The following ZEB1 variants were observed in gnomAD, a reference collection of about 807,000 sequenced individuals.
ZEB1 encodes zinc finger E-box binding homeobox 1, also known as zinc finger E-box-binding homeobox 1.
ZEB1 carries 21 observed loss-of-function variants against 84.9 expected under a neutral mutation model. The observed-to-expected ratio is 0.25, with a 90% CI of 0.18 to 0.36. The LOEUF is 0.36. Among genes scored for constraint, ZEB1 ranks in the 10% least tolerant of loss-of-function variants. ZEB1 has a pLI of 1.00. For missense variants in ZEB1, 1,104 were observed against 1,330.2 expected (o/e 0.83, Z 2.65); for synonymous variants, 420 against 471.1 (o/e 0.89, Z 1.41).
intron 1 of ZEB1, among the ~76,000 whole-genome samples, chr10:31,446,093 A>G (rs369756603): frequency 2.7e-5 from 4 of 149,312 alleles, no homozygotes; most frequent in African/African-American, 9.9e-5. Flanking sequence ...ACAATTTCAG[A>G]TCCTGTTATT....
chr10:31,485,109 T>G (rs1258890607), intron 2 of ZEB1, among the ~76,000 whole-genome samples: 1 of 151,948 alleles, frequency 6.6e-6, no homozygotes, highest in Admixed American at 6.6e-5. Context: ...GTCAATCCAT[T>G]TATACCCTGC....
intron 1 of ZEB1, among the ~76,000 whole-genome samples, chr10:31,418,016 G>A (rs533251987): frequency 2.0e-5 from 3 of 152,044 alleles, no homozygotes; most frequent in Non-Finnish European, 4.4e-5. Flanking sequence ...AACTTTTTTA[G>A]TAGAAGCAGC....
intron 1 of ZEB1, among the ~76,000 whole-genome samples, chr10:31,415,096 C>G (rs901877253): frequency 2.6e-5 from 4 of 152,124 alleles, no homozygotes; most frequent in African/African-American, 7.2e-5. Context: ...CATCTTCTTA[C>G]GTTACAAAGA....
chr10:31,327,566 A>G (rs939663229), intron 1 of ZEB1, among the ~76,000 whole-genome samples: 1 of 152,166 alleles, frequency 6.6e-6, no homozygotes, highest in African/African-American at 2.4e-5. Context: ...GATTGACTCC[A>G]ATTCTTAGAT....
chr10:31,343,916 C>G (rs2039836848), intron 1 of ZEB1, among the ~76,000 whole-genome samples: 1 of 152,076 alleles, frequency 6.6e-6, no homozygotes. Flanking sequence ...GAGGAGGAGA[C>G]TAAAGCTTGG....
At chr10:31,371,010 T>C (rs2134430251) in intron 1 of ZEB1, among the ~76,000 whole-genome samples, 1 of 152,298 alleles carries the variant, frequency 6.6e-6, no homozygotes, top group South Asian at 2.1e-4. Flanking sequence ...TGAGCCTCCA[T>C]GCCTGGCCAA....
intron 1 of ZEB1, among the ~76,000 whole-genome samples, chr10:31,423,933 T>C (rs868041369): frequency 6.6e-6 from 1 of 152,056 alleles, no homozygotes; most frequent in Non-Finnish European, 1.5e-5. Flanking sequence ...AAGGATAGTT[T>C]ATATGTTTCT....
intron 1 of ZEB1, among the ~76,000 whole-genome samples, chr10:31,408,216 T>G (rs1016794831): frequency 8.0e-5 from 12 of 150,746 alleles, no homozygotes; most frequent in Admixed American, 7.2e-4. Flanking sequence ...CAAGGAGAAC[T>G]ACAAACCACT....
chr10:31,476,050 T>C (rs1214425789), intron 2 of ZEB1, among the ~76,000 whole-genome samples: 1 of 151,696 alleles, frequency 6.6e-6, no homozygotes, highest in East Asian at 1.9e-4. Context: ...ACCCACCTAA[T>C]GGCAAAAGAC....
chr10:31,382,058 C>T (rs1469671894), intron 1 of ZEB1, among the ~76,000 whole-genome samples: 1 of 150,192 alleles, frequency 6.7e-6, no homozygotes, highest in Non-Finnish European at 1.5e-5. Flanking sequence ...CCTTGAAGCC[C>T]GACTTCATGG....
intron 1 of ZEB1, among the ~76,000 whole-genome samples, chr10:31,411,005 T>C (rs2054138189): frequency 6.6e-6 from 1 of 152,222 alleles, no homozygotes; most frequent in African/African-American, 2.4e-5. Flanking sequence ...TCAGTTGTGC[T>C]CTGATCTTAG....
intron 1 of ZEB1, among the ~76,000 whole-genome samples, chr10:31,418,334 T>G (rs1223070404): frequency 6.6e-6 from 1 of 151,128 alleles, no homozygotes; most frequent in Non-Finnish European, 1.5e-5. Context: ...CCAAGGGGAG[T>G]TGGAAGAAGT....
rs572239709 is a variant in ZEB1 at position 31,476,115 on chromosome 10, G to A, written c.259+14878G>A. 2.0e-5 allele frequency among the ~76,000 whole-genome samples: 3 copies of A among 151,718 alleles called. No individual in the cohort carries two copies. In the East Asian group the frequency reaches 5.8e-4, roughly 29 times the overall value. On this transcript the variant is annotated intron_variant, in intron 2 of 8. Coordinates refer to ENST00000424869, the MANE Select transcript of ZEB1 (RefSeq NM_001174096.2). ...AGAAGAAGAGAAATAACAAAGAGCA[G>A]AACCAAATGAGATTGAGACCAAAAA...
At chr10:31,319,493 C>T (rs527819684) in intron 1 of ZEB1, 15 of 611,856 alleles carry the variant, frequency 2.5e-5, no homozygotes, top group East Asian at 1.1e-4. Flanking sequence ...GCTCGCTCTC[C>T]CTGAACCGTT....
intron 1 of ZEB1, among the ~76,000 whole-genome samples, chr10:31,353,175 A>G (rs1390848785): frequency 6.6e-6 from 1 of 152,240 alleles, no homozygotes; most frequent in East Asian, 1.9e-4. Context: ...GGAAGTACAC[A>G]GCGTAGTGCT....
chr10:31,474,761 C>T (rs1192878617), intron 2 of ZEB1, among the ~76,000 whole-genome samples: 2 of 151,974 alleles, frequency 1.3e-5, no homozygotes, highest in Admixed American at 1.3e-4. Context: ...CACATGCACA[C>T]GTATGTTTAT....
In ZEB1 at chr10:31,521,118, C is replaced by T. The variant is rs1457462399; in HGVS notation, c.1786C>T (p.Leu596Phe). ...GCCACCTTTAAAGAACCTCTTGTCT[C>T]TCCTAAAAGCATATTATGCTTTGAA... ...SQPPLKNLLS[L>F]LKAYYALNAQ... The change falls in exon 7 of 9, where the codon CTC becomes TTC. Residue 596 changes from leucine (L) to phenylalanine (F), a missense_variant. Physicochemically the swap from Leu to Phe is conservative, Grantham distance 22. Coordinates refer to ENST00000424869, the MANE Select transcript of ZEB1 (RefSeq NM_001174096.2). The T allele has an allele frequency of 6.2e-7, 1 of 1,614,060 alleles. No individual in the cohort carries two copies. Among genetic ancestry groups the T allele is most frequent in the Admixed American group, 1.7e-5 (1 of 60,006 alleles).
Position 31,514,645 on chromosome 10 carries a change from A to G in ZEB1, c.730A>G (p.Thr244Ala). The G allele has an allele frequency of 6.2e-7, 1 of 1,612,856 alleles. No individual in the cohort carries two copies. Among genetic ancestry groups the G allele is most frequent in the East Asian group, 2.2e-5 (1 of 44,776 alleles). ...TGGGTGTAATCGTAAATTCAAATGC[A>G]CTGAGTGTGGAAAAGCTTTCAAATA... Reference protein sequence around the residue: ...QSGCNRKFKCTECGKAFKYKH... With the variant: ...QSGCNRKFKCAECGKAFKYKH... Residue 244 changes from threonine to alanine, a missense_variant, in exon 6 of 9, where the codon ACT becomes GCT. This residue lies in a region of ZEB1 where 71 missense variants were observed against 119.1 expected (regional missense o/e 0.60). Transcript: ENST00000424869.
chr10:31,511,072 G>A (rs917469501), intron 5 of ZEB1, among the ~76,000 whole-genome samples, 197 bp downstream of exon 5: 10 of 152,092 alleles, frequency 6.6e-5, no homozygotes, highest in African/African-American at 2.2e-4. Context: ...ACATATGAAC[G>A]TTACTTTAGA....
Sources: allele counts gnomAD v4.1 joint callset (sites outside exome capture counted in the v4.1 genomes callset), GRCh38; gene constraint gnomAD v4.1.1; regional missense constraint gnomAD v4.1.1; transcripts MANE v1.5; gene names NCBI Gene and HGNC (gene_info 2026-07-23, HGNC 2026-07-21).